Variants in SBF2 observed in about 807,000 individuals in gnomAD.
SBF2 encodes the protein SET binding factor 2, also known as myotubularin-related protein 13.
A neutral mutation model predicts 225.2 loss-of-function variants in SBF2; 112 were observed. That is an observed-to-expected ratio of 0.50 (90% CI 0.43 to 0.58). SBF2 has a LOEUF of 0.58. Among genes scored for constraint, SBF2 ranks in the 20% least tolerant of loss-of-function variants. The pLI is 0.00. For synonymous variants in SBF2, 763 were observed against 773.3 expected, an observed-to-expected ratio of 0.99 and a Z score of 0.22; for missense variants, 1,996 against 2,206.2, an observed-to-expected ratio of 0.90 and a Z score of 1.91.
At chr11:9,910,257 T>C (rs1387099779) in intron 16 of SBF2, among the ~76,000 whole-genome samples, 1 of 152,206 alleles carries the variant, frequency 6.6e-6, no homozygotes, top group Admixed American at 6.5e-5. Context: ...TTAGCCATTG[T>C]AACATCCAAG....
intron 2 of SBF2, among the ~76,000 whole-genome samples, chr11:10,097,838 T>C (rs367715639): frequency 6.6e-6 from 1 of 151,906 alleles, no homozygotes; most frequent in African/African-American, 2.4e-5. Flanking sequence ...CAAAGGAAAG[T>C]AAAAGCATAG....
chr11:10,016,274 G>A (rs1948650457), intron 6 of SBF2, among the ~76,000 whole-genome samples: 1 of 152,060 alleles, frequency 6.6e-6, no homozygotes, highest in African/African-American at 2.4e-5. Flanking sequence ...ATTGTCAAGG[G>A]AGGCAATGCT....
intron 6 of SBF2, among the ~76,000 whole-genome samples, chr11:10,011,832 T>G (rs1948472445): frequency 6.6e-6 from 1 of 152,196 alleles, no homozygotes; most frequent in African/African-American, 2.4e-5. Context: ...CATGGGGATT[T>G]TTTTACTGTT....
At chr11:9,892,270 C>G (rs1247926715) in intron 17 of SBF2, among the ~76,000 whole-genome samples, 1 of 152,100 alleles carries the variant, frequency 6.6e-6, no homozygotes, top group African/African-American at 2.4e-5. Flanking sequence ...AGGCACACTC[C>G]ACCATGGCTG....
At chr11:9,796,060 C>T (rs1230102814) in intron 32 of SBF2, 103 bp from the exon 33 acceptor site, 1 of 1,151,796 alleles carries the variant, frequency 8.7e-7, no homozygotes, top group Non-Finnish European at 1.3e-6. Flanking sequence ...ACCATTCAGT[C>T]ATTCACTCAA....
intron 32 of SBF2, among the ~76,000 whole-genome samples, chr11:9,798,612 A>G (rs1853279825): frequency 6.6e-6 from 1 of 152,212 alleles, no homozygotes; most frequent in African/African-American, 2.4e-5. Context: ...CCACTGAACC[A>G]GTCTACAATA....
intron 2 of SBF2, among the ~76,000 whole-genome samples, chr11:10,111,918 G>A (rs1363952919): frequency 6.6e-6 from 1 of 152,096 alleles, no homozygotes; most frequent in Non-Finnish European, 1.5e-5. Flanking sequence ...TGTTAGAGAT[G>A]TTTTGTTTCA....
chr11:10,086,219 C>G (rs1165920861), intron 2 of SBF2, among the ~76,000 whole-genome samples: 1 of 151,820 alleles, frequency 6.6e-6, no homozygotes, highest in Non-Finnish European at 1.5e-5. Flanking sequence ...TCGGCCCTGC[C>G]TTTTTTATCT....
chr11:9,918,943 C>T (rs951782365), intron 16 of SBF2, among the ~76,000 whole-genome samples: 3 of 151,786 alleles, frequency 2.0e-5, no homozygotes, highest in East Asian at 1.9e-4. Flanking sequence ...GCGGTTTCAC[C>T]GTGTTAGCCA....
intron 1 of SBF2, among the ~76,000 whole-genome samples, chr11:10,282,812 CCACCATCTATAGAGTCAAGGCT>C (rs67832114): frequency 0.49 from 74,271 of 151,492 alleles, 18,586 homozygotes; most frequent in Non-Finnish European, 0.54. Flanking sequence ...TCAACAGACC[CCACCATCTATAGAGTCAAGGCT>C]CACCATCTAT....
intron 16 of SBF2, among the ~76,000 whole-genome samples, chr11:9,941,101 A>G (rs899950927): frequency 2.0e-5 from 3 of 152,262 alleles, no homozygotes; most frequent in African/African-American, 7.2e-5. Flanking sequence ...GAGTTGCTTG[A>G]GAGTTCAAAA....
intron 2 of SBF2, among the ~76,000 whole-genome samples, chr11:10,175,792 C>G (rs1042168484): frequency 3.4e-4 from 51 of 151,970 alleles, no homozygotes; most frequent in Non-Finnish European, 6.3e-4. Flanking sequence ...TGTAAAAGAA[C>G]AGAAATTATA....
intron 33 of SBF2, among the ~76,000 whole-genome samples, chr11:9,794,181 AAAAAC>A (rs898845840): frequency 3.3e-5 from 5 of 151,892 alleles, no homozygotes; most frequent in East Asian, 3.9e-4. Flanking sequence ...ACCCTGCCTC[AAAAAC>A]AAAACAAAAC....
At chr11:9,973,677 C>A (rs1231475071) in intron 13 of SBF2, among the ~76,000 whole-genome samples, 3 of 152,056 alleles carry the variant, frequency 2.0e-5, no homozygotes, top group Non-Finnish European at 4.4e-5. Context: ...CTGCAGCACG[C>A]CCAGCTACCC....
Position 9,856,519 on chromosome 11 carries a change from G to A in SBF2, c.2302C>T (p.Leu768Phe). ...LVPLDTSKNK[L>F]LRTSAPGDWE... ...TCACCTGGCGCTGATGTTCTTAGGA[G>A]CTTGTTTTTACTTGTGTCGAGTGGA... The change falls in exon 19 of 40, where the codon CTC (leucine) becomes TTC (phenylalanine). Residue 768 changes from leucine to phenylalanine, a missense_variant. Transcript: ENST00000256190. 1.2e-6 allele frequency: 2 copies of A among 1,614,166 alleles called. No individual in the cohort carries two copies. Among genetic ancestry groups the A allele is most frequent in the Non-Finnish European group, 1.7e-6 (2 of 1,180,028 alleles).
intron 16 of SBF2, among the ~76,000 whole-genome samples, chr11:9,902,247 A>G (rs9300099): frequency 0.59 from 89,874 of 152,056 alleles, 26,965 homozygotes; most frequent in African/African-American, 0.66. Context: ...ATGAGGCTTC[A>G]TCTACATAAT....
intron 2 of SBF2, among the ~76,000 whole-genome samples, chr11:10,050,372 A>T (rs2134711400): frequency 6.6e-6 from 1 of 152,270 alleles, no homozygotes; most frequent in East Asian, 1.9e-4. Context: ...CACAGTGGTT[A>T]CCTAAAACTG....
chr11:10,251,260 C>T (rs534290480), intron 1 of SBF2, among the ~76,000 whole-genome samples: 1 of 152,162 alleles, frequency 6.6e-6, no homozygotes, highest in African/African-American at 2.4e-5. Flanking sequence ...TGTCAGGAAG[C>T]CTTCACTCTT....
chr11:10,044,515 T>G (rs1949779747), intron 2 of SBF2: 2 of 201,704 alleles, frequency 9.9e-6, no homozygotes, highest in African/African-American at 2.4e-5. Flanking sequence ...GTCTCTACAC[T>G]CACCAGACTA....
Sources: allele counts gnomAD v4.1 joint callset (sites outside exome capture counted in the v4.1 genomes callset), GRCh38; gene constraint gnomAD v4.1.1; transcripts MANE v1.5; gene names NCBI Gene and HGNC (gene_info 2026-07-23, HGNC 2026-07-21).